Variants in ADAM9 observed in about 807,000 individuals in gnomAD.
ADAM9 encodes disintegrin and metalloproteinase domain-containing protein 9.
Under a neutral mutation model 108.1 loss-of-function variants are expected in ADAM9, and 54 were observed. The observed-to-expected ratio is 0.50, with a 90% CI of 0.40 to 0.63. The LOEUF is 0.63. Ranked by LOEUF, ADAM9 falls within the 20% of genes least tolerant of loss-of-function variation. The pLI, the probability that ADAM9 is intolerant of heterozygous loss-of-function variation, is 0.00. For missense variants in ADAM9, 830 were observed against 997.7 expected (o/e 0.83, Z 2.26); for synonymous variants, 316 against 336.0 (o/e 0.94, Z 0.65).
intron 2 of ADAM9, among the ~76,000 whole-genome samples, chr8:39,010,183 G>A (rs1836310511): frequency 6.6e-6 from 1 of 151,970 alleles, no homozygotes; most frequent in South Asian, 2.1e-4. Context: ...ATACTTGGGG[G>A]AGGAGTAAAC....
At chr8:39,066,396 C>T (rs1319631897) in intron 14 of ADAM9, among the ~76,000 whole-genome samples, 1 of 152,224 alleles carries the variant, frequency 6.6e-6, no homozygotes, top group East Asian at 1.9e-4. Flanking sequence ...TATTTCTCCA[C>T]ATCCTCTCCA....
At chr8:39,065,998 G>T (rs543805301) in intron 14 of ADAM9, among the ~76,000 whole-genome samples, 1 of 152,098 alleles carries the variant, frequency 6.6e-6, no homozygotes, top group African/African-American at 2.4e-5. Context: ...GAGAACATGC[G>T]GTGTTTGGTT....
chr8:39,073,859 TATAGTC>T (rs1243366792), intron 15 of ADAM9, among the ~76,000 whole-genome samples: 4 of 152,184 alleles, frequency 2.6e-5, no homozygotes, highest in Non-Finnish European at 5.9e-5. Flanking sequence ...ATACAAACAA[TATAGTC>T]ATTAAGAATA....
At chr8:39,040,746 A>G (rs1318903806) in intron 11 of ADAM9, among the ~76,000 whole-genome samples, 2 of 152,228 alleles carry the variant, frequency 1.3e-5, no homozygotes, top group Non-Finnish European at 2.9e-5. Context: ...GTATAAAAAC[A>G]GACACGTAGA....
At chr8:39,100,739 C>T in intron 20 of ADAM9, among the ~76,000 whole-genome samples, 1 of 152,188 alleles carries the variant, frequency 6.6e-6, no homozygotes, top group East Asian at 1.9e-4. Context: ...AAGGTCTTCA[C>T]CACCACTGTG....
intron 1 of ADAM9, among the ~76,000 whole-genome samples, chr8:38,997,513 C>G (rs1228683062): frequency 6.6e-6 from 1 of 152,210 alleles, no homozygotes; most frequent in Non-Finnish European, 1.5e-5. Flanking sequence ...GGCCGGAGCC[C>G]TGCAGGCTGG....
intron 9 of ADAM9, among the ~76,000 whole-genome samples, chr8:39,023,736 G>GTTTT (rs1836824287): frequency 8.4e-6 from 1 of 119,478 alleles, no homozygotes; most frequent in African/African-American, 3.3e-5. Flanking sequence ...TTTCTTTTGC[G>GTTTT]TTTGTTTTTT....
intron 11 of ADAM9, among the ~76,000 whole-genome samples, chr8:39,040,960 A>G (rs1837440600): frequency 6.6e-6 from 1 of 152,212 alleles, no homozygotes; most frequent in Non-Finnish European, 1.5e-5. Flanking sequence ...AAAATGGATA[A>G]AATACCTAAA....
At chr8:39,047,896 T>TA (rs1837824450) in intron 12 of ADAM9, among the ~76,000 whole-genome samples, 1 of 151,948 alleles carries the variant, frequency 6.6e-6, no homozygotes, top group Non-Finnish European at 1.5e-5. Context: ...TTTTTTTTTT[T>TA]AATATAGGTT....
In ADAM9 at chr8:39,026,892, A is replaced by T. The variant is rs925385624; in HGVS notation, c.1130+82A>T. The T allele has an allele frequency of 5.7e-5, 89 of 1,557,814 alleles. No individual in the cohort carries two copies. In the Middle Eastern group the frequency reaches 8.4e-4, roughly 15 times the overall value. Reference sequence around the variant, plus strand: ...CACTGTGAGGGATATTCATGTCTACATTGGGAAAACAGGAAATGTTATTTC... The same window carrying T: ...CACTGTGAGGGATATTCATGTCTACTTTGGGAAAACAGGAAATGTTATTTC... On this transcript the variant is annotated intron_variant, in intron 11 of 21. Transcript: ENST00000487273.
intron 2 of ADAM9, 60 bp from the exon 3 acceptor site, chr8:39,011,598 T>G: frequency 6.9e-7 from 1 of 1,448,352 alleles, no homozygotes. Context: ...ATAAATGAGA[T>G]GTTGTTGAAA....
Position 39,091,249 on chromosome 8 carries a change from T to C in ADAM9, c.2211-10T>C. 6.2e-7 allele frequency: 1 copy of C among 1,611,930 alleles called. No individual in the cohort carries two copies. Among genetic ancestry groups the C allele is most frequent in the Non-Finnish European group, 8.5e-7 (1 of 1,178,004 alleles). On this transcript the variant is annotated splice_polypyrimidine_tract_variant and intron_variant, in intron 19 of 21. Transcript: ENST00000487273. ...TCTTAATTTAGATCAAAAGTAATTG[T>C]ATCTTTCAGGTCAGATGGCAAAAAT...
At chr8:39,100,093 G>C (rs1839640903) in intron 20 of ADAM9, among the ~76,000 whole-genome samples, 1 of 151,774 alleles carries the variant, frequency 6.6e-6, no homozygotes, top group African/African-American at 2.4e-5. Context: ...GGCTGGTCTT[G>C]AACTCCTGAC....
chr8:39,067,015 T>C (rs1179662291), intron 14 of ADAM9, among the ~76,000 whole-genome samples: 1 of 152,198 alleles, frequency 6.6e-6, no homozygotes, highest in Non-Finnish European at 1.5e-5. Flanking sequence ...GGGAATCCTT[T>C]CCCCATTTCT....
intron 12 of ADAM9, among the ~76,000 whole-genome samples, chr8:39,042,428 T>C (rs1837482319): frequency 6.6e-6 from 1 of 152,206 alleles, no homozygotes. Context: ...ACCTGGCTCT[T>C]TATTTGTAAG....
At chr8:39,072,763 GCTCTCCCTC>G (rs751323572) in intron 15 of ADAM9, among the ~76,000 whole-genome samples, 5 of 152,204 alleles carry the variant, frequency 3.3e-5, no homozygotes, top group Non-Finnish European at 7.3e-5. Context: ...AACAGGACCA[GCTCTCCCTC>G]TGACAGGTGT....
At chr8:39,005,803 A>G (rs1344616861) in intron 1 of ADAM9, among the ~76,000 whole-genome samples, 1 of 152,230 alleles carries the variant, frequency 6.6e-6, no homozygotes, top group East Asian at 1.9e-4. Flanking sequence ...GGGTAGCAAA[A>G]TAAGCTTTAG....
Position 39,007,868 on chromosome 8 carries a change from T to C in ADAM9, c.98-18T>C. ...TTTTCAGTTTCACTTATTATATTTG[T>C]TTTTGCCTTTTCTGTAGGCTTTCAA... On this transcript the variant is annotated intron_variant, in intron 1 of 21. Coordinates refer to ENST00000487273, the MANE Select transcript of ADAM9 (RefSeq NM_003816.3). 1.3e-6 allele frequency: 2 copies of C among 1,552,120 alleles called. No homozygotes were observed. Among genetic ancestry groups the C allele is most frequent in the South Asian group, 1.1e-5 (1 of 89,608 alleles).
chr8:39,045,246 A>G (rs1487524799), intron 12 of ADAM9, among the ~76,000 whole-genome samples: 1 of 147,370 alleles, frequency 6.8e-6, no homozygotes, highest in African/African-American at 2.5e-5. Context: ...GTGTATACAT[A>G]CATATATGTG....
Sources: allele counts gnomAD v4.1 joint callset (sites outside exome capture counted in the v4.1 genomes callset), GRCh38; gene constraint gnomAD v4.1.1; transcripts MANE v1.5; gene names NCBI Gene and HGNC (gene_info 2026-07-23, HGNC 2026-07-21).